Variants in ORC2 observed in about 807,000 individuals in gnomAD.
The protein encoded by ORC2 is origin recognition complex protein 2 homolog.
Under a neutral mutation model 77.7 loss-of-function variants are expected in ORC2, and 37 were observed. That is an observed-to-expected ratio of 0.48 (90% confidence interval 0.37 to 0.63). The LOEUF is 0.63. Ranked by LOEUF, ORC2 falls within the 20% of genes least tolerant of loss-of-function variation. The pLI is 0.00. For synonymous variants in ORC2, 201 were observed against 229.5 expected (o/e 0.88, Z 1.12); for missense variants, 557 against 661.9 (o/e 0.84, Z 1.74).
intron 13 of ORC2, among the ~76,000 whole-genome samples, chr2:200,922,609 GT>G (rs1205419339): frequency 6.6e-6 from 1 of 151,506 alleles, no homozygotes; most frequent in Non-Finnish European, 1.5e-5. Flanking sequence ...GGGTAGATGG[GT>G]AAGAGAGACA....
intron 13 of ORC2, 103 bp downstream of exon 13, chr2:200,925,733 T>G (rs896806441): frequency 5.4e-6 from 2 of 368,394 alleles, no homozygotes; most frequent in Non-Finnish European, 1.0e-5. Flanking sequence ...AGAGACTGTC[T>G]CAAAAATAAT....
Position 200,920,956 on chromosome 2 carries a change from A to G in ORC2, c.1294+37T>C, listed in dbSNP as rs757952405. On this transcript the variant is annotated intron_variant, in intron 14 of 17. Coordinates refer to ENST00000234296, the MANE Select transcript of ORC2 (RefSeq NM_006190.5). The stretch of plus-strand genomic sequence containing the variant: ...TAATAGAATTTGTCTTGTAAGACTG[A>G]TATCTCTAGAAGGAAAAATAGTAAC... 3.2e-5 allele frequency: 46 copies of G among 1,421,334 alleles called. No individual in the cohort carries two copies. In the Middle Eastern group the frequency reaches 7.4e-4, roughly 23 times the overall value. 88.0% of individuals were successfully genotyped at this position (1,421,334 alleles called of 1,614,324 possible).
intron 7 of ORC2, among the ~76,000 whole-genome samples, chr2:200,941,007 G>C (rs1013634903): frequency 2.0e-5 from 3 of 152,120 alleles, no homozygotes; most frequent in African/African-American, 7.2e-5. Context: ...GTTGGGTCTG[G>C]GAGGCCTGGC....
chr2:200,937,831 C>T (rs907651934), intron 8 of ORC2, 75 bp downstream of exon 8: 20 of 946,516 alleles, frequency 2.1e-5, no homozygotes, highest in Non-Finnish European at 3.2e-5. Flanking sequence ...AGTCTAGAAC[C>T]TATATACTTA....
intron 5 of ORC2, among the ~76,000 whole-genome samples, chr2:200,945,942 C>T (rs1376795533): frequency 6.6e-6 from 1 of 151,982 alleles, no homozygotes; most frequent in East Asian, 1.9e-4. Context: ...TGCTGGATCT[C>T]AATCTATTTT....
chr2:200,912,991 T>A (rs1446089878), intron 17 of ORC2, among the ~76,000 whole-genome samples: 1 of 152,148 alleles, frequency 6.6e-6, no homozygotes, highest in Non-Finnish European at 1.5e-5. Flanking sequence ...ACTCAATAAA[T>A]ACAGACCAAA....
At chr2:200,944,251 G>A (rs1220460043) in intron 5 of ORC2, among the ~76,000 whole-genome samples, 1 of 151,750 alleles carries the variant, frequency 6.6e-6, no homozygotes, top group Non-Finnish European at 1.5e-5. Flanking sequence ...TCAGCTCACT[G>A]CACCCTCTGC....
At chr2:200,941,892 CAGG>C (rs1349790076) in intron 6 of ORC2, among the ~76,000 whole-genome samples, 4 of 151,752 alleles carry the variant, frequency 2.6e-5, no homozygotes, top group South Asian at 2.1e-4. Flanking sequence ...GAGTCTGAGG[CAGG>C]AGAATTGCTT....
chr2:200,948,715 A>G (rs2041296027), intron 5 of ORC2, among the ~76,000 whole-genome samples: 1 of 151,874 alleles, frequency 6.6e-6, no homozygotes. Flanking sequence ...GGCACGTGCC[A>G]CCACGCCTGG....
intron 6 of ORC2, among the ~76,000 whole-genome samples, 170 bp downstream of exon 6, chr2:200,942,515 A>G (rs1331675624): frequency 1.3e-5 from 2 of 152,264 alleles, no homozygotes; most frequent in Non-Finnish European, 2.9e-5. Flanking sequence ...TGACTGCTAA[A>G]CACGGGTATA....
intron 4 of ORC2, among the ~76,000 whole-genome samples, chr2:200,956,618 C>T (rs1393073363): frequency 6.6e-6 from 1 of 152,076 alleles, no homozygotes; most frequent in East Asian, 1.9e-4. Context: ...GCGTGAGCCA[C>T]CATGTCTGGC....
chr2:200,949,480 A>T lies in ORC2; in HGVS notation c.328+74T>A. Reference sequence around the variant, plus strand: ...CTTTTAGGAAATGTAGTGGTATAATAATCATGGGGAATGTGGTTAAATCTA... The same window carrying T: ...CTTTTAGGAAATGTAGTGGTATAATTATCATGGGGAATGTGGTTAAATCTA... On this transcript the variant is annotated intron_variant, in intron 5 of 17. Coordinates refer to ENST00000234296, the MANE Select transcript of ORC2 (RefSeq NM_006190.5). 3 of 785,366 alleles carry T rather than the reference A, an allele frequency of 3.8e-6. No individual in the cohort carries two copies. The South Asian group carries it at 4.6e-5, about 12-fold the overall frequency. The allele number at this position is 785,366 out of a possible 1,614,324, so 48.6% of individuals were successfully genotyped here.
intron 5 of ORC2, among the ~76,000 whole-genome samples, chr2:200,946,877 T>C (rs889127859): frequency 5.3e-5 from 8 of 152,166 alleles, no homozygotes; most frequent in African/African-American, 1.9e-4. Flanking sequence ...CTATACAGGA[T>C]TCAGTCATTT....
At chr2:200,918,584 G>A (rs543008605) in intron 15 of ORC2, among the ~76,000 whole-genome samples, 7 of 150,184 alleles carry the variant, frequency 4.7e-5, no homozygotes, top group Non-Finnish European at 1.5e-5. Context: ...CGCCTCCTGG[G>A]TTCAAGCGAT....
chr2:200,941,728 C>T (rs1575172885), intron 6 of ORC2, among the ~76,000 whole-genome samples: 1 of 151,304 alleles, frequency 6.6e-6, no homozygotes, highest in African/African-American at 2.4e-5. Flanking sequence ...GGCTCACGCC[C>T]GTAATCCCAG....
At chr2:200,941,023 T>C (rs2041142523) in intron 7 of ORC2, among the ~76,000 whole-genome samples, 1 of 152,174 alleles carries the variant, frequency 6.6e-6, no homozygotes, top group Non-Finnish European at 1.5e-5. Flanking sequence ...CTGGCTTCAT[T>C]TTCTAGCTGT....
intron 1 of ORC2, among the ~76,000 whole-genome samples, chr2:200,961,334 A>AT (rs986172959): frequency 1.5e-4 from 23 of 151,000 alleles, no homozygotes; most frequent in Admixed American, 7.3e-4. Flanking sequence ...TAATTTTTGT[A>AT]TTTTTTTGTA....
intron 15 of ORC2, 32 bp from the exon 16 acceptor site, chr2:200,914,024 C>T: frequency 7.3e-7 from 1 of 1,372,488 alleles, no homozygotes; most frequent in South Asian, 1.3e-5. Context: ...AATTTAAATC[C>T]AAAAATGTTA....
At chr2:200,941,469 CTG>C (rs1346782781) in intron 6 of ORC2, among the ~76,000 whole-genome samples, 190 bp from the exon 7 acceptor site, 1 of 148,446 alleles carries the variant, frequency 6.7e-6, no homozygotes, top group Non-Finnish European at 1.5e-5. Context: ...TAGCGTGATC[CTG>C]TGTCTATTCA....
Sources: allele counts gnomAD v4.1 joint callset (sites outside exome capture counted in the v4.1 genomes callset), GRCh38; gene constraint gnomAD v4.1.1; transcripts MANE v1.5; gene names NCBI Gene and HGNC (gene_info 2026-07-23, HGNC 2026-07-21).